The following VWA8 variants were observed in gnomAD, a reference collection of about 807,000 sequenced individuals.
The protein encoded by VWA8 is von Willebrand factor A domain containing 8.
A neutral mutation model predicts 241.5 loss-of-function variants in VWA8; 221 were observed. The ratio of observed to expected loss-of-function variants is 0.91; its 90% CI spans 0.82 to 1.02. The LOEUF (loss-of-function observed/expected upper bound fraction) is 1.02. VWA8 is among the 50% of genes least tolerant of loss of function. The pLI is 0.00. For synonymous variants in VWA8, 852 were observed against 827.1 expected (o/e 1.03, Z -0.52); for missense variants, 2,322 against 2,328.7 (o/e 1.00, Z 0.06).
intron 37 of VWA8, among the ~76,000 whole-genome samples, chr13:41,623,236 T>G (rs1039650483): frequency 1.3e-5 from 2 of 152,148 alleles, no homozygotes; most frequent in Non-Finnish European, 2.9e-5. Flanking sequence ...GAGAATATGA[T>G]GCATAGAGCT....
intron 42 of VWA8, among the ~76,000 whole-genome samples, chr13:41,586,874 C>G (rs754674309): frequency 1.3e-5 from 2 of 152,016 alleles, no homozygotes; most frequent in Non-Finnish European, 2.9e-5. Context: ...GTTGTTTGCT[C>G]TGGTAAGGGC....
At position 41,806,286 on chromosome 13, in the gene VWA8, A is replaced by C. The variant is rs1870205735; in HGVS notation, c.2063+4939T>G. On this transcript the variant is annotated intron_variant, in intron 17 of 44. Coordinates refer to ENST00000379310, the MANE Select transcript of VWA8 (RefSeq NM_015058.2). ...AAGCCTACATCAAAAAAGTAGAAAA[A>C]CTTCAAATAACCTAACAATGTATCT... 2.0e-5 allele frequency among the ~76,000 whole-genome samples: 3 copies of C among 152,318 alleles called. No individual in the cohort carries two copies. In the South Asian group the frequency reaches 6.2e-4, roughly 32 times the overall value.
intron 21 of VWA8, among the ~76,000 whole-genome samples, chr13:41,740,767 C>T (rs2039281): frequency 0.54 from 82,572 of 152,020 alleles, 22,988 homozygotes; most frequent in Non-Finnish European, 0.6. Flanking sequence ...GGAAATCTAC[C>T]ACTTCAGGAT....
chr13:41,865,568 G>A, intron 12 of VWA8, 168 bp downstream of exon 12: 1 of 682,722 alleles, frequency 1.5e-6, no homozygotes. Flanking sequence ...ACTTTCAAAA[G>A]CTCCAAAGAA....
intron 2 of VWA8, among the ~76,000 whole-genome samples, chr13:41,920,161 G>A (rs762346463): frequency 6.6e-6 from 1 of 152,188 alleles, no homozygotes; most frequent in Non-Finnish European, 1.5e-5. Flanking sequence ...CCAGCATCAA[G>A]AGTAATTAGT....
chr13:41,892,392 G>A (rs1291115024), intron 4 of VWA8, among the ~76,000 whole-genome samples: 1 of 152,134 alleles, frequency 6.6e-6, no homozygotes, highest in Admixed American at 6.6e-5. Context: ...GATTAATGGT[G>A]CTAAATTTAT....
intron 4 of VWA8, among the ~76,000 whole-genome samples, chr13:41,899,679 A>G (rs1875326648): frequency 6.6e-6 from 1 of 152,222 alleles, no homozygotes; most frequent in Admixed American, 6.5e-5. Flanking sequence ...ATCAAACTTT[A>G]TAAATATGAC....
intron 15 of VWA8, among the ~76,000 whole-genome samples, chr13:41,816,986 G>GT (rs923838573): frequency 7.2e-5 from 11 of 152,094 alleles, no homozygotes; most frequent in African/African-American, 2.7e-4. Flanking sequence ...TAAGAATCAG[G>GT]TAACTTAAAC....
chr13:41,685,803 G>GC (rs1417913646), intron 34 of VWA8, among the ~76,000 whole-genome samples: 1 of 151,986 alleles, frequency 6.6e-6, no homozygotes, highest in East Asian at 1.9e-4. Flanking sequence ...AAGTGATTGG[G>GC]CCCCTTCCCA....
chr13:41,880,175 GA>G (rs1445884923), intron 9 of VWA8, among the ~76,000 whole-genome samples: 16 of 152,136 alleles, frequency 1.1e-4, no homozygotes, highest in Admixed American at 3.3e-4. Context: ...TAGTTTAAAT[GA>G]AAGCTCTATA....
chr13:41,858,009 T>C lies in VWA8; in HGVS notation c.1425+7727A>G, dbSNP rs1872827971. Reference sequence around the variant, plus strand: ...ATTGAGCTGGGATATTAGTCTTCCTTACTCAGACTGGAACTTATACTATTG... The same window carrying C: ...ATTGAGCTGGGATATTAGTCTTCCTCACTCAGACTGGAACTTATACTATTG... On this transcript the variant is annotated intron_variant, in intron 12 of 44. Transcript: ENST00000379310. 2.6e-5 allele frequency among the ~76,000 whole-genome samples: 4 copies of C among 152,148 alleles called. No individual in the cohort carries two copies. The South Asian group carries it at 8.3e-4, about 32-fold the overall frequency.
intron 37 of VWA8, among the ~76,000 whole-genome samples, chr13:41,630,974 A>G (rs772468915): frequency 6.6e-6 from 1 of 152,148 alleles, no homozygotes; most frequent in East Asian, 1.9e-4. Context: ...TCTGCCTGCC[A>G]GCCCATAATT....
chr13:41,869,409 G>A (rs1015927682), intron 9 of VWA8, among the ~76,000 whole-genome samples: 1 of 151,834 alleles, frequency 6.6e-6, no homozygotes, highest in African/African-American at 2.4e-5. Flanking sequence ...CAAGGCAAGC[G>A]GATCACCTGA....
intron 39 of VWA8, among the ~76,000 whole-genome samples, chr13:41,608,766 T>C (rs951843691): frequency 3.3e-5 from 5 of 152,188 alleles, no homozygotes; most frequent in Admixed American, 2.6e-4. Flanking sequence ...TGCTTTTCAC[T>C]GGTATAATGT....
chr13:41,735,810 A>G (rs1212880133), intron 21 of VWA8, among the ~76,000 whole-genome samples: 1 of 152,170 alleles, frequency 6.6e-6, no homozygotes, highest in African/African-American at 2.4e-5. Flanking sequence ...TTATTAAGTA[A>G]TAAGGTGACT....
intron 5 of VWA8, among the ~76,000 whole-genome samples, chr13:41,888,392 A>G (rs1874649914): frequency 6.6e-6 from 1 of 152,208 alleles, no homozygotes; most frequent in African/African-American, 2.4e-5. Flanking sequence ...CTTTCCTGGC[A>G]GAAGCCCTGA....
At chr13:41,737,098 G>A (rs1479554874) in intron 21 of VWA8, among the ~76,000 whole-genome samples, 2 of 151,982 alleles carry the variant, frequency 1.3e-5, no homozygotes, top group Non-Finnish European at 2.9e-5. Context: ...CCAAAATGCT[G>A]GGATTAAAGG....
chr13:41,754,261 T>C (rs1324164095), intron 21 of VWA8, among the ~76,000 whole-genome samples: 4 of 152,104 alleles, frequency 2.6e-5, no homozygotes, highest in Non-Finnish European at 4.4e-5. Flanking sequence ...ATTCTCGTGA[T>C]AGTAAGTCTC....
At chr13:41,721,952 C>A (rs966472109) in intron 24 of VWA8, among the ~76,000 whole-genome samples, 2 of 151,958 alleles carry the variant, frequency 1.3e-5, no homozygotes, top group Non-Finnish European at 2.9e-5. Context: ...TGTATTAGCA[C>A]TTTTTTTAAA....
Sources: gnomAD v4.1 joint callset for allele counts (sites outside exome capture counted in the v4.1 genomes callset) on GRCh38, gnomAD v4.1.1 for gene constraint, MANE v1.5 for transcripts, NCBI Gene and HGNC (gene_info 2026-07-23, HGNC 2026-07-21) for gene names.